The following OPCML variants were observed in gnomAD, a reference collection of about 807,000 sequenced individuals.
The protein encoded by OPCML is opioid-binding protein/cell adhesion molecule.
Under a neutral mutation model 37.8 loss-of-function variants are expected in OPCML, and 13 were observed. The ratio of observed to expected loss-of-function variants is 0.34; its 90% CI spans 0.22 to 0.55. The LOEUF is 0.55. Among genes scored for constraint, OPCML ranks in the 20% least tolerant of loss-of-function variants. OPCML has a pLI of 0.91. For missense variants in OPCML, 341 were observed against 435.6 expected, an observed-to-expected ratio of 0.78 and a Z score of 1.93; for synonymous variants, 176 against 168.8, an observed-to-expected ratio of 1.04 and a Z score of -0.33.
intron 4 of OPCML, among the ~76,000 whole-genome samples, chr11:132,497,663 A>G (rs1288683483): frequency 2.0e-5 from 3 of 152,078 alleles, no homozygotes; most frequent in Admixed American, 1.3e-4. Flanking sequence ...TATTTTCCCT[A>G]TGGTAAAGAA....
At chr11:132,957,218 A>G (rs568268714) in intron 1 of OPCML, among the ~76,000 whole-genome samples, 1 of 152,328 alleles carries the variant, frequency 6.6e-6, no homozygotes, top group Non-Finnish European at 1.5e-5. Flanking sequence ...AGTTCAGAAG[A>G]CTGGGAAGGA....
At chr11:133,242,926 A>G (rs927206764) in intron 1 of OPCML, among the ~76,000 whole-genome samples, 1 of 152,254 alleles carries the variant, frequency 6.6e-6, no homozygotes, top group Non-Finnish European at 1.5e-5. Flanking sequence ...TTTAGAAAAA[A>G]ATAGTAAAAA....
intron 1 of OPCML, among the ~76,000 whole-genome samples, chr11:133,204,192 G>A (rs1938934481): frequency 6.7e-6 from 1 of 149,284 alleles, no homozygotes; most frequent in Non-Finnish European, 1.5e-5. Context: ...AAAAGAACAA[G>A]AAATAATTAA....
chr11:132,703,592 G>A (rs1206642393), intron 2 of OPCML, among the ~76,000 whole-genome samples: 2 of 152,214 alleles, frequency 1.3e-5, no homozygotes, highest in South Asian at 4.1e-4. Context: ...GGGTCTACCA[G>A]TAGGCTTGCT....
At chr11:133,318,028 A>G (rs1246956141) in intron 1 of OPCML, among the ~76,000 whole-genome samples, 2 of 152,186 alleles carry the variant, frequency 1.3e-5, no homozygotes, top group Non-Finnish European at 1.5e-5. Context: ...CAGAGAGGAA[A>G]CTAAAGCACA....
rs561192147 is a variant in OPCML, at chr11:132,868,026, T to C, written c.146+74900A>G. On this transcript the variant is annotated intron_variant, in intron 2 of 7. Coordinates refer to ENST00000524381, the MANE Select transcript of OPCML (RefSeq NM_001012393.5). ...TATTTGTTAATAATAGATGCAGTAATGCTTTGATATTGTTTTGTGAAAGGT... is the reference window on the plus strand; with the variant it reads ...TATTTGTTAATAATAGATGCAGTAACGCTTTGATATTGTTTTGTGAAAGGT... Among the ~76,000 whole-genome samples, 10 of 152,296 alleles carry C rather than the reference T, an allele frequency of 6.6e-5. No individual in the cohort carries two copies. In the East Asian group the frequency reaches 1.7e-3, roughly 26 times the overall value.
intron 2 of OPCML, among the ~76,000 whole-genome samples, chr11:132,915,575 C>T (rs917764096): frequency 5.3e-5 from 8 of 152,174 alleles, no homozygotes; most frequent in South Asian, 4.1e-4. Flanking sequence ...GGACAATCAC[C>T]GTCTCCAAAA....
chr11:133,073,535 T>C (rs1052941770), intron 1 of OPCML, among the ~76,000 whole-genome samples: 6 of 152,218 alleles, frequency 3.9e-5, no homozygotes, highest in African/African-American at 1.4e-4. Context: ...GAACTTGTCC[T>C]GCCATTGGCA....
intron 1 of OPCML, among the ~76,000 whole-genome samples, chr11:132,973,083 T>G (rs1946377990): frequency 6.6e-6 from 1 of 152,148 alleles, no homozygotes; most frequent in South Asian, 2.1e-4. Flanking sequence ...TTGTTTTTAA[T>G]CAACTTTTGT....
chr11:133,116,184 G>A (rs1281637748), intron 1 of OPCML, among the ~76,000 whole-genome samples: 1 of 152,096 alleles, frequency 6.6e-6, no homozygotes, highest in Non-Finnish European at 1.5e-5. Flanking sequence ...GGCCAGTCTG[G>A]TCTTGAACTC....
At chr11:132,961,397 T>A (rs1946090409) in intron 1 of OPCML, among the ~76,000 whole-genome samples, 1 of 152,088 alleles carries the variant, frequency 6.6e-6, no homozygotes, top group Non-Finnish European at 1.5e-5. Context: ...GTGTATAGAG[T>A]GTCTGACATG....
At chr11:133,105,089 G>C (rs1321588150) in intron 1 of OPCML, among the ~76,000 whole-genome samples, 1 of 152,146 alleles carries the variant, frequency 6.6e-6, no homozygotes, top group African/African-American at 2.4e-5. Flanking sequence ...AGAATTGCCT[G>C]GAAAAATAAT....
intron 1 of OPCML, chr11:133,421,275 A>T: frequency 1.0e-6 from 1 of 985,428 alleles, no homozygotes; most frequent in Non-Finnish European, 1.2e-6. Context: ...ACGTGAGTGG[A>T]AAGGCATCAT....
chr11:132,428,261 A>C (rs563749079), intron 7 of OPCML, among the ~76,000 whole-genome samples: 3 of 152,334 alleles, frequency 2.0e-5, no homozygotes, highest in Non-Finnish European at 4.4e-5. Context: ...AGGGGACTAC[A>C]AGTCCTCTTG....
intron 1 of OPCML, among the ~76,000 whole-genome samples, chr11:133,151,837 C>G (rs1949991805): frequency 6.6e-6 from 1 of 152,122 alleles, no homozygotes; most frequent in Non-Finnish European, 1.5e-5. Flanking sequence ...CAACTGAGAT[C>G]CCCAAGGCTG....
At chr11:132,789,775 G>A (rs1295340168) in intron 2 of OPCML, among the ~76,000 whole-genome samples, 1 of 152,174 alleles carries the variant, frequency 6.6e-6, no homozygotes, top group Non-Finnish European at 1.5e-5. Flanking sequence ...AAAGCTCGCT[G>A]CCACAGCCAA....
At chr11:132,720,311 C>G (rs1001302573) in intron 2 of OPCML, among the ~76,000 whole-genome samples, 50 of 152,346 alleles carry the variant, frequency 3.3e-4, no homozygotes, top group African/African-American at 1.2e-3. Context: ...CCACAGCCCT[C>G]TCTCCCAAGT....
intron 1 of OPCML, among the ~76,000 whole-genome samples, chr11:133,112,206 G>A (rs535138045): frequency 6.3e-5 from 8 of 127,312 alleles, no homozygotes; most frequent in South Asian, 2.6e-4. Flanking sequence ...GATTTTTTTC[G>A]TTAATTAGAC....
intron 1 of OPCML, among the ~76,000 whole-genome samples, chr11:133,186,764 C>T (rs896790694): frequency 6.6e-6 from 1 of 152,308 alleles, no homozygotes; most frequent in South Asian, 2.1e-4. Context: ...TGCAGGCAAG[C>T]ACTAATCAAT....
Sources: allele counts gnomAD v4.1 joint callset (sites outside exome capture counted in the v4.1 genomes callset), GRCh38; gene constraint gnomAD v4.1.1; transcripts MANE v1.5; gene names NCBI Gene and HGNC (gene_info 2026-07-23, HGNC 2026-07-21).